Variants in DYM observed in about 807,000 individuals in gnomAD.
DYM encodes dymeclin, also known as dyggve-Melchior-Clausen syndrome protein.
DYM carries 78 observed loss-of-function variants against 93.1 expected under a neutral mutation model. The ratio of observed to expected loss-of-function variants is 0.84; its 90% CI spans 0.70 to 1.01. The LOEUF (loss-of-function observed/expected upper bound fraction) is 1.01, where lower values mean the gene tolerates loss of function less well. DYM is among the 50% of genes least tolerant of loss of function. The pLI, the probability that DYM is intolerant of heterozygous loss-of-function variation, is 0.00. For missense variants in DYM, 789 were observed against 845.0 expected, an observed-to-expected ratio of 0.93 and a Z score of 0.82; for synonymous variants, 321 against 319.7, an observed-to-expected ratio of 1.00 and a Z score of -0.04.
chr18:49,143,713 C>T (rs1337268325), intron 15 of DYM, among the ~76,000 whole-genome samples: 4 of 152,072 alleles, frequency 2.6e-5, no homozygotes, highest in Admixed American at 1.3e-4. Context: ...AGTTCAGTGA[C>T]GCCAAGCATA....
In DYM at chr18:49,258,389, A is replaced by C; in HGVS notation, c.1356T>G (p.Thr452=). Residue 452 remains threonine, a synonymous_variant, in exon 12 of 18, where the codon ACT becomes ACG. Transcript: ENST00000675505. The part of the protein sequence containing the change: ...VVIRTIQYNM[T]RTRDKYLHTN... ...CAGCTGGAATACTTACTCGTGTCCTAGTCATGTTGTATTGAATGGTTCTTA... is the reference window on the plus strand; with the variant it reads ...CAGCTGGAATACTTACTCGTGTCCTCGTCATGTTGTATTGAATGGTTCTTA... 6.2e-7 allele frequency: 1 copy of C among 1,600,570 alleles called. No individual in the cohort carries two copies. The highest frequency in any genetic ancestry group is 8.6e-7 in the Non-Finnish European group (1 of 1,167,622).
At chr18:49,448,588 G>C (rs2082286162) in intron 1 of DYM, among the ~76,000 whole-genome samples, 2 of 152,162 alleles carry the variant, frequency 1.3e-5, no homozygotes, top group South Asian at 4.1e-4. Context: ...GGTCACACTT[G>C]CAACCATGGG....
At chr18:49,430,042 T>A (rs2074660674) in intron 2 of DYM, among the ~76,000 whole-genome samples, 1 of 152,208 alleles carries the variant, frequency 6.6e-6, no homozygotes. Flanking sequence ...CTGCTACCAG[T>A]GATAACCTCT....
Position 49,097,337 on chromosome 18 carries a change from A to G in DYM, c.2025+65T>C, listed in dbSNP as rs999734344. 2.8e-6 allele frequency: 4 copies of G among 1,438,760 alleles called. No individual in the cohort carries two copies. The African/African-American group carries it at 5.6e-5, about 20-fold the overall frequency. 89.1% of individuals were successfully genotyped at this position (1,438,760 alleles called of 1,614,324 possible). On this transcript the variant is annotated intron_variant, in intron 17 of 17. Coordinates refer to ENST00000675505, the MANE Select transcript of DYM (RefSeq NM_001353214.3). ...AGCATGATTCTGGATAGGGTCTGCT[A>G]AGACACTAACATTTACATCAAGGGA...
chr18:49,075,155 G>A (rs1405025263), intron 17 of DYM, among the ~76,000 whole-genome samples: 2 of 152,116 alleles, frequency 1.3e-5, no homozygotes, highest in Non-Finnish European at 2.9e-5. Flanking sequence ...AATCAGTAAG[G>A]ACCCATAACC....
intron 2 of DYM, among the ~76,000 whole-genome samples, chr18:49,414,539 T>TA (rs2072679659): frequency 6.6e-6 from 1 of 152,166 alleles, no homozygotes; most frequent in Admixed American, 6.5e-5. Flanking sequence ...GCCAAGTCCT[T>TA]ATGTTATTTG....
rs2070713200 is a variant in DYM, at chr18:49,036,630, C to T, written c.*7425G>A. Among the ~76,000 whole-genome samples, 1 of 151,106 alleles carries T rather than the reference C, an allele frequency of 6.6e-6. No individual in the cohort carries two copies. Among genetic ancestry groups the T allele is most frequent in the African/African-American group, 2.4e-5 (1 of 41,052 alleles). On this transcript the variant is annotated 3_prime_UTR_variant, in exon 18 of 18. Transcript: ENST00000675505. Reference sequence around the variant, plus strand: ...GTGGTGCCATGACCACAGCTCACTGCAGCCTCTACCTCCTGGGCTCAGGTA... The same window carrying T: ...GTGGTGCCATGACCACAGCTCACTGTAGCCTCTACCTCCTGGGCTCAGGTA...
chr18:49,421,204 G>C (rs575465443), intron 2 of DYM, among the ~76,000 whole-genome samples: 5 of 152,212 alleles, frequency 3.3e-5, no homozygotes, highest in Admixed American at 2.6e-4. Flanking sequence ...GCCTCCTCAA[G>C]TGGGTCCCTG....
chr18:49,321,316 C>T (rs751303418), intron 8 of DYM: 14 of 398,026 alleles, frequency 3.5e-5, no homozygotes, highest in South Asian at 2.5e-4. Context: ...CTTGTAAATA[C>T]AAACTAATTC....
chr18:49,242,239 C>A (rs2094030538), intron 13 of DYM, among the ~76,000 whole-genome samples: 1 of 152,106 alleles, frequency 6.6e-6, no homozygotes, highest in Admixed American at 6.5e-5. Context: ...TGGCGAAACC[C>A]CATCTCTACT....
intron 3 of DYM, among the ~76,000 whole-genome samples, chr18:49,385,734 TACA>T (rs901912714): frequency 7.2e-5 from 11 of 151,814 alleles, no homozygotes; most frequent in African/African-American, 2.4e-4. Context: ...ACCTTATGTG[TACA>T]TTCAGGAAAA....
chr18:49,323,138 G>A (rs867858843), intron 8 of DYM, among the ~76,000 whole-genome samples: 3 of 152,184 alleles, frequency 2.0e-5, no homozygotes, highest in Middle Eastern at 3.4e-3. Flanking sequence ...GTTTTCTGAG[G>A]GGCTCCTTAC....
intron 15 of DYM, among the ~76,000 whole-genome samples, chr18:49,154,505 C>T (rs779066129): frequency 7.9e-5 from 12 of 152,150 alleles, no homozygotes; most frequent in Non-Finnish European, 1.0e-4. Context: ...AGCAGTTCTC[C>T]GGCCTCAGTC....
intron 15 of DYM, among the ~76,000 whole-genome samples, chr18:49,155,228 T>C (rs573557932): frequency 2.0e-5 from 3 of 152,356 alleles, no homozygotes; most frequent in African/African-American, 7.2e-5. Flanking sequence ...CTCCTTAAAA[T>C]ATTAATTATT....
chr18:49,365,976 T>G (rs968289327), intron 5 of DYM, among the ~76,000 whole-genome samples: 2 of 152,162 alleles, frequency 1.3e-5, no homozygotes, highest in African/African-American at 4.8e-5. Context: ...ATGAAGATGA[T>G]GATAAACATA....
At chr18:49,392,592 A>G (rs1404738894) in intron 2 of DYM, among the ~76,000 whole-genome samples, 2 of 151,728 alleles carry the variant, frequency 1.3e-5, no homozygotes, top group Non-Finnish European at 2.9e-5. Context: ...CAATAAGTAC[A>G]TGAAAACATG....
chr18:49,226,351 G>A (rs2093531499), intron 13 of DYM, among the ~76,000 whole-genome samples: 1 of 152,074 alleles, frequency 6.6e-6, no homozygotes. Flanking sequence ...TCTGACTTCG[G>A]ACAAAGCAAC....
intron 6 of DYM, among the ~76,000 whole-genome samples, chr18:49,362,784 A>G (rs1403765659): frequency 1.3e-5 from 2 of 152,202 alleles, no homozygotes; most frequent in Non-Finnish European, 2.9e-5. Context: ...GGCTGGAAAT[A>G]CAATCAGGAA....
At chr18:49,370,295 A>G (rs2337548) in intron 5 of DYM, among the ~76,000 whole-genome samples, 1 of 146,668 alleles carries the variant, frequency 6.8e-6, no homozygotes, top group African/African-American at 2.5e-5. Context: ...AAAAAAAAAA[A>G]AAAACAAAAC....
Sources: gnomAD v4.1 joint callset for allele counts (sites outside exome capture counted in the v4.1 genomes callset) on GRCh38, gnomAD v4.1.1 for gene constraint, MANE v1.5 for transcripts, NCBI Gene and HGNC (gene_info 2026-07-23, HGNC 2026-07-21) for gene names.